Variants in TFEC observed in about 807,000 individuals in gnomAD.
TFEC encodes transcription factor EC, also known as class E basic helix-loop-helix protein 34.
TFEC carries 31 observed loss-of-function variants against 41.6 expected under a neutral mutation model. The ratio of observed to expected loss-of-function variants is 0.74; its 90% CI spans 0.56 to 1.01. TFEC has a LOEUF of 1.01. Among genes scored for constraint, TFEC ranks in the 50% least tolerant of loss-of-function variants. TFEC has a pLI of 0.00. For missense variants in TFEC, 402 were observed against 404.1 expected, an observed-to-expected ratio of 0.99 and a Z score of 0.04; for synonymous variants, 143 against 140.6, an observed-to-expected ratio of 1.02 and a Z score of -0.12.
At chr7:116,132,727 C>A (rs1300378726) in intron 1 of TFEC, among the ~76,000 whole-genome samples, 1 of 152,164 alleles carries the variant, frequency 6.6e-6, no homozygotes, top group Non-Finnish European at 1.5e-5. Context: ...TTAGGAGACA[C>A]CTCGGGAACT....
upstream of TFEC, among the ~76,000 whole-genome samples, chr7:116,031,942 T>C (rs78128647): frequency 0.013 from 1,967 of 152,240 alleles, 14 homozygotes; most frequent in Non-Finnish European, 0.019. Flanking sequence ...AACATTGATA[T>C]TAGAAACATT....
chr7:115,980,050 G>A (rs1253253702), intron 2 of TFEC, among the ~76,000 whole-genome samples: 1 of 152,172 alleles, frequency 6.6e-6, no homozygotes, highest in African/African-American at 2.4e-5. Context: ...TCCATTGAGA[G>A]TTGTGTAGTA....
chr7:115,973,892 A>G (rs931652178), intron 3 of TFEC, among the ~76,000 whole-genome samples: 14 of 152,064 alleles, frequency 9.2e-5, no homozygotes, highest in African/African-American at 3.1e-4. Context: ...TAAAGATTAA[A>G]TTCCTTACAG....
At chr7:116,075,793 C>T (rs1257188239) in intron 3 of TFEC, among the ~76,000 whole-genome samples, 1 of 152,142 alleles carries the variant, frequency 6.6e-6, no homozygotes, top group Non-Finnish European at 1.5e-5. Context: ...TCTCTACCTG[C>T]CCTGGTAGCC....
intron 3 of TFEC, among the ~76,000 whole-genome samples, chr7:116,102,237 G>A (rs1201687930): frequency 1.3e-5 from 2 of 152,104 alleles, no homozygotes; most frequent in African/African-American, 4.8e-5. Flanking sequence ...AGCACTCAAA[G>A]CAAAATAGGT....
At chr7:116,113,048 T>C (rs1205119210) in intron 1 of TFEC, among the ~76,000 whole-genome samples, 1 of 151,920 alleles carries the variant, frequency 6.6e-6, no homozygotes, top group East Asian at 1.9e-4. Context: ...GGAGCTGGAC[T>C]CAAGAGAGTA....
intron 1 of TFEC, among the ~76,000 whole-genome samples, chr7:116,147,774 C>T (rs937375885): frequency 6.6e-6 from 1 of 152,090 alleles, no homozygotes; most frequent in African/African-American, 2.4e-5. Flanking sequence ...AACGTAGAAT[C>T]TTATACCCTA....
At chr7:115,974,790 C>T (rs533518745) in intron 2 of TFEC, among the ~76,000 whole-genome samples, 1 of 151,946 alleles carries the variant, frequency 6.6e-6, no homozygotes, top group South Asian at 2.1e-4. Context: ...GGAAACATTT[C>T]ATCCTACCTT....
At chr7:116,063,682 T>C (rs1290012541) in intron 3 of TFEC, among the ~76,000 whole-genome samples, 1 of 152,160 alleles carries the variant, frequency 6.6e-6, no homozygotes, top group Non-Finnish European at 1.5e-5. Flanking sequence ...GTGGTGACAG[T>C]TTCACAGGTG....
At chr7:116,036,874 G>C (rs1795924071) in intron 3 of TFEC, among the ~76,000 whole-genome samples, 1 of 152,050 alleles carries the variant, frequency 6.6e-6, no homozygotes, top group African/African-American at 2.4e-5. Flanking sequence ...GTTGGAATGA[G>C]AAATACCATG....
In TFEC at chr7:116,047,747, G is replaced by A. The variant is rs768033669; in HGVS notation, c.198+62961C>T. Among the ~76,000 whole-genome samples, 11 of 152,118 alleles carry A rather than the reference G, an allele frequency of 7.2e-5. No individual in the cohort carries two copies. In the East Asian group the frequency reaches 9.6e-4, roughly 13 times the overall value. ...TCAAGTAGCTTAACTGGGAGGCACC[G>A]CCCAGTAGGGGGAAACTGACACCTC... On this transcript the variant is annotated intron_variant, in intron 3 of 8. Transcript: ENST00000484212.
At chr7:116,002,854 G>A (rs1382425499) in intron 1 of TFEC, among the ~76,000 whole-genome samples, 2 of 152,078 alleles carry the variant, frequency 1.3e-5, no homozygotes, top group Non-Finnish European at 2.9e-5. Flanking sequence ...TGGATTAGTT[G>A]TAAATGTATA....
At chr7:116,108,409 T>C (rs1328381605) in intron 3 of TFEC, among the ~76,000 whole-genome samples, 1 of 152,146 alleles carries the variant, frequency 6.6e-6, no homozygotes, top group African/African-American at 2.4e-5. Context: ...TGTACAATAC[T>C]ATACACCACA....
intron 1 of TFEC, chr7:116,112,073 T>C: frequency 1.1e-6 from 1 of 944,784 alleles, no homozygotes; most frequent in Non-Finnish European, 1.3e-6. Flanking sequence ...GTTACTGTTT[T>C]TTAACTTTAA....
chr7:116,017,569 G>A (rs1390249039), intron 1 of TFEC, among the ~76,000 whole-genome samples: 2 of 151,940 alleles, frequency 1.3e-5, no homozygotes, highest in African/African-American at 2.4e-5. Context: ...CATGACCTTC[G>A]TGTTGAATAG....
chr7:116,057,882 T>A (rs1385239803), intron 3 of TFEC, among the ~76,000 whole-genome samples: 2 of 151,792 alleles, frequency 1.3e-5, no homozygotes, highest in Admixed American at 1.3e-4. Flanking sequence ...CAAGGAATTA[T>A]AGTAAGTAAG....
At chr7:116,093,758 G>A (rs916803614) in intron 3 of TFEC, among the ~76,000 whole-genome samples, 1 of 152,058 alleles carries the variant, frequency 6.6e-6, no homozygotes, top group East Asian at 1.9e-4. Flanking sequence ...AGATCAAAGT[G>A]TATGTTAGGA....
intron 1 of TFEC, among the ~76,000 whole-genome samples, chr7:115,989,237 C>T (rs979877718): frequency 4.6e-5 from 7 of 152,076 alleles, no homozygotes; most frequent in South Asian, 2.1e-4. Context: ...CTTCATTGAT[C>T]TACATTAATG....
intron 1 of TFEC, among the ~76,000 whole-genome samples, chr7:116,132,478 G>C (rs1482347988): frequency 1.3e-5 from 2 of 152,126 alleles, no homozygotes; most frequent in Non-Finnish European, 2.9e-5. Context: ...TCAAGGATCA[G>C]GTCTAATAAA....
Sources: gnomAD v4.1 joint callset for allele counts (sites outside exome capture counted in the v4.1 genomes callset) on GRCh38, gnomAD v4.1.1 for gene constraint, MANE v1.5 for transcripts, NCBI Gene and HGNC (gene_info 2026-07-23, HGNC 2026-07-21) for gene names.